Variants in PTPN4 observed in about 807,000 individuals in gnomAD.
PTPN4 encodes the protein tyrosine-protein phosphatase non-receptor type 4.
PTPN4 carries 49 observed loss-of-function variants against 135.5 expected under a neutral mutation model. The ratio of observed to expected loss-of-function variants is 0.36; its 90% confidence interval spans 0.29 to 0.46. The LOEUF (loss-of-function observed/expected upper bound fraction) is 0.46, where lower values mean the gene tolerates loss of function less well. Among genes scored for constraint, PTPN4 ranks in the 20% least tolerant of loss-of-function variants. The probability of loss-of-function intolerance (pLI) is 1.00; values close to 1 mark genes in which losing one functional copy is unlikely to be tolerated. For missense variants in PTPN4, 860 were observed against 1,101.0 expected (o/e 0.78, Z 3.10); for synonymous variants, 333 against 369.9 (o/e 0.90, Z 1.14).
intron 2 of PTPN4, among the ~76,000 whole-genome samples, chr2:119,862,037 T>C (rs1024280588): frequency 6.6e-6 from 1 of 152,200 alleles, no homozygotes; most frequent in South Asian, 2.1e-4. Flanking sequence ...TATGTCACTT[T>C]CCAGTCACAA....
chr2:119,926,214 A>G (rs1299960565), intron 12 of PTPN4, among the ~76,000 whole-genome samples: 2 of 152,206 alleles, frequency 1.3e-5, no homozygotes, highest in Non-Finnish European at 2.9e-5. Flanking sequence ...ATCTGAACAC[A>G]TTGGTGTACT....
intron 3 of PTPN4, among the ~76,000 whole-genome samples, chr2:119,868,332 T>C (rs1677861317): frequency 6.6e-6 from 1 of 152,190 alleles, no homozygotes; most frequent in Admixed American, 6.5e-5. Context: ...CAATACCAAA[T>C]GTTGACAAGG....
intron 1 of PTPN4, among the ~76,000 whole-genome samples, chr2:119,784,634 G>A (rs1263981957): frequency 1.3e-5 from 2 of 150,762 alleles, no homozygotes; most frequent in South Asian, 2.1e-4. Flanking sequence ...TGATCTGCCC[G>A]CCTTGGCCTC....
intron 1 of PTPN4, among the ~76,000 whole-genome samples, chr2:119,765,784 G>T (rs1690603844): frequency 6.6e-6 from 1 of 152,358 alleles, no homozygotes; most frequent in Admixed American, 6.5e-5. Flanking sequence ...GATCTGGGTA[G>T]AGAGAACAGC....
intron 2 of PTPN4, among the ~76,000 whole-genome samples, chr2:119,816,734 T>G (rs1363706986): frequency 1.3e-5 from 2 of 152,222 alleles, no homozygotes; most frequent in Non-Finnish European, 2.9e-5. Flanking sequence ...AATCTCATTT[T>G]GGTTGCTGTC....
chr2:119,958,246 A>C (rs1005914454), intron 22 of PTPN4, among the ~76,000 whole-genome samples: 2 of 151,646 alleles, frequency 1.3e-5, no homozygotes, highest in Non-Finnish European at 2.9e-5. Flanking sequence ...CTGAGGTGGG[A>C]GAATTGCTTG....
intron 15 of PTPN4, among the ~76,000 whole-genome samples, chr2:119,937,323 A>AT (rs200873714): frequency 1.4e-3 from 219 of 152,240 alleles, no homozygotes; most frequent in African/African-American, 3.4e-3. Flanking sequence ...AATGAAATAG[A>AT]TTTTTTTTAA....
intron 2 of PTPN4, among the ~76,000 whole-genome samples, chr2:119,849,587 G>A (rs1357927826): frequency 2.0e-5 from 3 of 152,178 alleles, no homozygotes; most frequent in East Asian, 3.8e-4. Flanking sequence ...AGAGGTGTGA[G>A]CCACCGCATC....
rs1679641289 is a variant in PTPN4 at position 119,977,908 on chromosome 2, A to G, written c.*838A>G. ...GTATATATGTATATTGTACATTCGT[A>G]TATTTTTATGCATTTTGAATAAGTT... On this transcript the variant is annotated 3_prime_UTR_variant, in exon 27 of 27. Coordinates refer to ENST00000263708, the MANE Select transcript of PTPN4 (RefSeq NM_002830.4). The G allele has an allele frequency of 6.6e-6, 1 of 152,178 alleles. No homozygotes were observed. Among genetic ancestry groups the G allele is most frequent in the Non-Finnish European group, 1.5e-5 (1 of 68,030 alleles). 9.4% of individuals were successfully genotyped at this position (152,178 alleles called of 1,614,324 possible).
intron 3 of PTPN4, 62 bp from the exon 4 acceptor site, chr2:119,877,261 A>G (rs1241563532): frequency 1.9e-5 from 30 of 1,541,050 alleles, no homozygotes; most frequent in Non-Finnish European, 2.5e-5. Context: ...ACAGATTTGC[A>G]AGAATCAATA....
In PTPN4 at chr2:119,984,568, A is replaced by G. The variant is rs757267096; in HGVS notation, c.*7498A>G. 3.9e-5 allele frequency among the ~76,000 whole-genome samples: 6 copies of G among 152,222 alleles called. No homozygotes were observed. The highest frequency in any genetic ancestry group is 5.9e-5 in the Non-Finnish European group (4 of 68,046). On this transcript the variant is annotated 3_prime_UTR_variant, in exon 27 of 27. Transcript: ENST00000263708. ...TAAGCTTGAATTTGGTCAACACTGC[A>G]TAATTTGAAATCACTCTGCATTTGT...
At chr2:119,784,211 A>G (rs1691000933) in intron 1 of PTPN4, among the ~76,000 whole-genome samples, 1 of 151,696 alleles carries the variant, frequency 6.6e-6, no homozygotes, top group Non-Finnish European at 1.5e-5. Context: ...AAGCAATTAC[A>G]AGTCTCAAGC....
At position 119,937,942 on chromosome 2, in the gene PTPN4, T is replaced by G. The variant is rs562249663; in HGVS notation, c.1355+2984T>G. 4.2e-4 allele frequency among the ~76,000 whole-genome samples: 63 copies of G among 151,550 alleles called. No homozygotes were observed. In the South Asian group the frequency reaches 0.013, roughly 31 times the overall value. ...TGGACAATACAGCAAGACACCATCT[T>G]TTAAAAACCAAAACCAAAAAAAAAA... On this transcript the variant is annotated intron_variant, in intron 15 of 26. Transcript: ENST00000263708.
intron 15 of PTPN4, among the ~76,000 whole-genome samples, chr2:119,944,320 T>G (rs958502239): frequency 6.6e-6 from 1 of 152,234 alleles, no homozygotes; most frequent in African/African-American, 2.4e-5. Context: ...TGTGGATGCA[T>G]ACTTCTTAAG....
chr2:119,955,075 TAC>T, intron 19 of PTPN4, 80 bp from the exon 20 acceptor site: 1 of 1,244,050 alleles, frequency 8.0e-7, no homozygotes, highest in Non-Finnish European at 1.1e-6. Flanking sequence ...CAAAACATTA[TAC>T]AGTGTATCTG....
rs138162196 is a variant in PTPN4, at chr2:119,812,965, G to T, written c.138+2974G>T. Among the ~76,000 whole-genome samples, 12 of 152,246 alleles carry T rather than the reference G, an allele frequency of 7.9e-5. No individual in the cohort carries two copies. In the East Asian group the frequency reaches 2.3e-3, roughly 29 times the overall value. ...GGAGGACCAGCCTATTTTAGTTACT[G>T]TGACTGCGTAAGAAATTACCCTAAA... On this transcript the variant is annotated intron_variant, in intron 2 of 26. Coordinates refer to ENST00000263708, the MANE Select transcript of PTPN4 (RefSeq NM_002830.4).
At chr2:119,778,780 G>A (rs1690885436) in intron 1 of PTPN4, among the ~76,000 whole-genome samples, 2 of 152,038 alleles carry the variant, frequency 1.3e-5, no homozygotes, top group Non-Finnish European at 2.9e-5. Context: ...ATTCTTATCA[G>A]GTCGGTAACA....
intron 15 of PTPN4, among the ~76,000 whole-genome samples, chr2:119,938,601 A>C (rs1558769536): frequency 6.6e-6 from 1 of 152,168 alleles, no homozygotes. Context: ...CCTGATATTT[A>C]CTAATCTTGC....
chr2:119,930,130 G>A (rs1298003502), intron 13 of PTPN4, among the ~76,000 whole-genome samples: 1 of 152,070 alleles, frequency 6.6e-6, no homozygotes, highest in Non-Finnish European at 1.5e-5. Context: ...ACGGTGTCAT[G>A]AGTTGTCTTC....
Sources: gnomAD v4.1 joint callset for allele counts (sites outside exome capture counted in the v4.1 genomes callset) on GRCh38, gnomAD v4.1.1 for gene constraint, MANE v1.5 for transcripts, NCBI Gene and HGNC (gene_info 2026-07-23, HGNC 2026-07-21) for gene names.